Variants in MDM2 observed in about 807,000 individuals in gnomAD.
The protein encoded by MDM2 is E3 ubiquitin-protein ligase Mdm2.
A neutral mutation model predicts 64.3 loss-of-function variants in MDM2; 11 were observed. The ratio of observed to expected loss-of-function variants is 0.17; its 90% confidence interval spans 0.11 to 0.28. The LOEUF (loss-of-function observed/expected upper bound fraction) is 0.28, where lower values mean the gene tolerates loss of function less well. Among genes scored for constraint, MDM2 ranks in the 10% least tolerant of loss-of-function variants. The pLI, the probability that MDM2 is intolerant of heterozygous loss-of-function variation, is 1.00. For synonymous variants in MDM2, 194 were observed against 192.9 expected, an observed-to-expected ratio of 1.01 and a Z score of -0.05; for missense variants, 388 against 577.1, an observed-to-expected ratio of 0.67 and a Z score of 3.36.
intron 8 of MDM2, 64 bp downstream of exon 8, chr12:68,828,995 A>G (rs1350506455): frequency 6.7e-7 from 1 of 1,494,880 alleles, no homozygotes; most frequent in African/African-American, 1.4e-5. Context: ...TGGCAGTCCT[A>G]ATAAGGATAC....
intron 4 of MDM2, among the ~76,000 whole-genome samples, chr12:68,817,641 C>T (rs3730531): frequency 0.096 from 14,599 of 151,650 alleles, 2,355 homozygotes; most frequent in African/African-American, 0.33. Flanking sequence ...TCCAGCTACT[C>T]GGGAGGCTGA....
chr12:68,820,254 G>A (rs2136128280), intron 4 of MDM2, 71 bp from the exon 5 acceptor site: 1 of 1,170,188 alleles, frequency 8.5e-7, no homozygotes. Flanking sequence ...AGTCTGGTTA[G>A]ATCCAGCTTA....
chr12:68,810,468 A>AT (rs1442254035), intron 2 of MDM2, among the ~76,000 whole-genome samples: 33 of 150,930 alleles, frequency 2.2e-4, no homozygotes, highest in East Asian at 3.9e-4. Flanking sequence ...TATTATTATT[A>AT]TTATTTTTTT....
At chr12:68,808,907 C>G in intron 1 of MDM2, 3 of 1,360,896 alleles carry the variant, frequency 2.2e-6, no homozygotes, top group Non-Finnish European at 2.8e-6. Flanking sequence ...GTTGACTCAG[C>G]TTTTCCTCTT....
intron 10 of MDM2, among the ~76,000 whole-genome samples, chr12:68,838,040 G>C (rs1883450263): frequency 6.6e-6 from 1 of 151,944 alleles, no homozygotes; most frequent in Non-Finnish European, 1.5e-5. Flanking sequence ...AATTATTTTA[G>C]ATATTCATCT....
chr12:68,836,777 A>G, intron 10 of MDM2, 28 bp downstream of exon 10: 1 of 1,474,236 alleles, frequency 6.8e-7, no homozygotes, highest in Non-Finnish European at 9.5e-7. Flanking sequence ...TTTTTAAGAA[A>G]TAAAAATTTC....
At chr12:68,836,091 T>G in intron 9 of MDM2, 107 bp downstream of exon 9, 1 of 1,010,010 alleles carries the variant, frequency 9.9e-7, no homozygotes, top group Non-Finnish European at 1.4e-6. Context: ...CTTGAAATCT[T>G]TACCTCTTGA....
At position 68,828,857 on chromosome 12, in the gene MDM2, G is replaced by A. The variant is rs1882559652; in HGVS notation, c.610G>A (p.Ala204Thr). Residue 204 changes from alanine (A) to threonine (T), a missense_variant, in exon 8 of 11, where the codon GCT (alanine) becomes ACT (threonine). Transcript: ENST00000258149. ...TTCCCTTTCCTTTGATGAAAGCCTGGCTCTGTGTGTAATAAGGGAGATATG... is the reference window on the plus strand; with the variant it reads ...TTCCCTTTCCTTTGATGAAAGCCTGACTCTGTGTGTAATAAGGGAGATATG... ...SISLSFDESLALCVIREICCE... is the reference protein window; with the variant it reads ...SISLSFDESLTLCVIREICCE... The A allele has an allele frequency of 1.2e-6, 2 of 1,613,868 alleles. No homozygotes were observed. The highest frequency in any genetic ancestry group is 1.7e-6 in the Non-Finnish European group (2 of 1,179,974).
In MDM2 at chr12:68,835,962, A is replaced by C. The variant is rs371801914; in HGVS notation, c.818A>C (p.Glu273Ala). 12 of 1,609,318 alleles carry C rather than the reference A, an allele frequency of 7.5e-6. No individual in the cohort carries two copies. The African/African-American group carries it at 1.5e-4, about 20-fold the overall frequency. The change falls in exon 9 of 11, where the codon GAA becomes GCA. Residue 273 changes from glutamate (E) to alanine (A), a missense_variant. This residue lies in a region of MDM2 where 168 missense variants were observed against 236.6 expected (regional missense o/e 0.71). Coordinates refer to ENST00000258149, the MANE Select transcript of MDM2 (RefSeq NM_002392.6). ...TATAGCCTTAGTGAAGAAGGACAAGAACTCTCAGATGAAGATGATGAGGTA... is the reference window on the plus strand; with the variant it reads ...TATAGCCTTAGTGAAGAAGGACAAGCACTCTCAGATGAAGATGATGAGGTA... Reference protein sequence around the residue: ...EDYSLSEEGQELSDEDDEVYQ... With the variant: ...EDYSLSEEGQALSDEDDEVYQ...
intron 3 of MDM2, among the ~76,000 whole-genome samples, chr12:68,815,410 A>G (rs756117122): frequency 6.7e-6 from 1 of 150,144 alleles, no homozygotes. Flanking sequence ...AAGAGTCAGA[A>G]GAGCTGGGGC....
chr12:68,845,112 A>T lies in MDM2; in HGVS notation c.*5263A>T, dbSNP rs7959903. On this transcript the variant is annotated 3_prime_UTR_variant, in exon 11 of 11. Transcript: ENST00000258149. ...AATTAGTGTGTAGGTCTGTAGGCTT[A>T]TGATGGTAACCACAAGTTGTTAATG... 15,069 of 221,416 alleles carry T rather than the reference A, an allele frequency of 0.068. 2,278 individuals carry two copies. Among genetic ancestry groups the T allele is most frequent in the African/African-American group, 0.32 (14,077 of 44,596 alleles). 13.7% of individuals were successfully genotyped at this position (221,416 alleles called of 1,614,324 possible).
At chr12:68,839,245 AACTG>A (rs779881336) in intron 10 of MDM2, 25 bp from the exon 11 acceptor site, 11 of 1,593,500 alleles carry the variant, frequency 6.9e-6, no homozygotes, top group African/African-American at 5.4e-5. Flanking sequence ...GGGTTACAGA[AACTG>A]ACTGTGTGTC....
At chr12:68,838,290 A>G (rs3730648) in intron 10 of MDM2, among the ~76,000 whole-genome samples, 9,318 of 152,248 alleles carry the variant, frequency 0.061, 948 homozygotes, top group African/African-American at 0.21. Context: ...TGCTTCAGCT[A>G]AGGCAAGAAG....
Position 68,815,767 on chromosome 12 carries a change from GATA to G in MDM2, c.175-1039_175-1037del, listed in dbSNP as rs556185791. The stretch of plus-strand genomic sequence containing the variant: ...GCAATTTCTTCATTTCTAATACAGT[GATA>G]ATAATCTTATGAAATATCAGAATGA... On this transcript the variant is annotated intron_variant, in intron 3 of 10. Coordinates refer to ENST00000258149, the MANE Select transcript of MDM2 (RefSeq NM_002392.6). 328 of 213,298 alleles carry G rather than the reference GATA, an allele frequency of 1.5e-3. 1 individual carries two copies. The highest frequency in any genetic ancestry group is 0.01 in the South Asian group (223 of 22,100). The allele number at this position is 213,298 out of a possible 1,614,324, so 13.2% of individuals were successfully genotyped here.
chr12:68,836,092 T>A, intron 9 of MDM2, 108 bp downstream of exon 9: 1 of 997,104 alleles, frequency 1.0e-6, no homozygotes, highest in Non-Finnish European at 1.4e-6. Context: ...TTGAAATCTT[T>A]ACCTCTTGAT....
chr12:68,817,712 G>A (rs1592575043), intron 4 of MDM2, among the ~76,000 whole-genome samples: 1 of 151,924 alleles, frequency 6.6e-6, no homozygotes, highest in African/African-American at 2.4e-5. Flanking sequence ...CCGAGATTGC[G>A]CCACTGCACT....
intron 2 of MDM2, among the ~76,000 whole-genome samples, chr12:68,809,725 G>A (rs1374977409): frequency 6.6e-6 from 1 of 152,074 alleles, no homozygotes; most frequent in Non-Finnish European, 1.5e-5. Flanking sequence ...TAGATTTTTT[G>A]TGTGCGTACC....
At chr12:68,836,129 G>A (rs1021067270) in intron 9 of MDM2, 145 bp downstream of exon 9, 6 of 687,702 alleles carry the variant, frequency 8.7e-6, no homozygotes, top group African/African-American at 7.3e-5. Flanking sequence ...ATTGGTTTGT[G>A]GACTTGAGGA....
chr12:68,848,246 G>A (rs1339085618), downstream of MDM2: 1 of 152,240 alleles, frequency 6.6e-6, no homozygotes, highest in Non-Finnish European at 1.5e-5. Flanking sequence ...GCAATGGCGT[G>A]ATCTTGGCTC....
Sources: allele counts gnomAD v4.1 joint callset (sites outside exome capture counted in the v4.1 genomes callset), GRCh38; gene constraint gnomAD v4.1.1; regional missense constraint gnomAD v4.1.1; transcripts MANE v1.5; gene names NCBI Gene and HGNC (gene_info 2026-07-23, HGNC 2026-07-21).